IFNAR2: variants seen among roughly 807,000 people sequenced by gnomAD.
IFNAR2 encodes interferon alpha and beta receptor subunit 2, also known as interferon alpha/beta receptor 2.
In IFNAR2, 30 loss-of-function variants were observed where a neutral mutation model predicts 49.4. The observed-to-expected ratio is 0.61, with a 90% CI of 0.45 to 0.82. IFNAR2 has a LOEUF of 0.82. Ranked by LOEUF, IFNAR2 falls within the 40% of genes least tolerant of loss-of-function variation. The probability of loss-of-function intolerance (pLI) is 0.00; values close to 1 mark genes in which losing one functional copy is unlikely to be tolerated. For missense variants in IFNAR2, 600 were observed against 622.7 expected, an observed-to-expected ratio of 0.96 and a Z score of 0.39; for synonymous variants, 224 against 234.5, an observed-to-expected ratio of 0.96 and a Z score of 0.41.
intron 7 of IFNAR2, among the ~76,000 whole-genome samples, chr21:33,253,982 C>T (rs936434059): frequency 1.2e-4 from 19 of 152,194 alleles, no homozygotes; most frequent in African/African-American, 4.3e-4. Flanking sequence ...CAGTAGGTCC[C>T]AGCCCCATTT....
rs934745374 is a variant in IFNAR2, at chr21:33,265,252, C to T, written c.*1752C>T. ...AAATGCTGCAATCCTGAGAAGCTCC[C>T]AGGATGAATGAAAGGCACAGGACCT... On this transcript the variant is annotated 3_prime_UTR_variant, in exon 9 of 9. Transcript: ENST00000342136. 6.6e-6 allele frequency: 1 copy of T among 152,202 alleles called. No homozygotes were observed. The highest frequency in any genetic ancestry group is 2.4e-5 in the African/African-American group (1 of 41,430). 9.4% of individuals were successfully genotyped at this position (152,202 alleles called of 1,614,324 possible).
At position 33,241,930 on chromosome 21, in the gene IFNAR2, T is replaced by C. The variant is rs141164659; in HGVS notation, c.8T>C (p.Leu3Ser). Residue 3 changes from leucine to serine, a missense_variant, in exon 2 of 9, where the codon TTG becomes TCG. Physicochemically the swap from Leu to Ser is moderately radical, Grantham distance 145. Transcript: ENST00000342136. ...ACTCTAAAAATAGCAAAGATGCTTT[T>C]GAGCCAGAATGCCTTCATCTTCAGA... ML[L>S]SQNAFIFRSL... 3 of 1,612,638 alleles carry C rather than the reference T, an allele frequency of 1.9e-6. No individual in the cohort carries two copies. The highest frequency in any genetic ancestry group is 2.5e-6 in the Non-Finnish European group (3 of 1,179,030).
At chr21:33,238,116 C>T (rs74362421) in intron 1 of IFNAR2, among the ~76,000 whole-genome samples, 1 of 152,084 alleles carries the variant, frequency 6.6e-6, no homozygotes, top group Admixed American at 6.6e-5. Context: ...CTCGGCTGAC[C>T]GAAAAATGCA....
rs75920300 is a variant in IFNAR2, at chr21:33,234,168, C to T, written c.-84+3952C>T. On this transcript the variant is annotated intron_variant, in intron 1 of 8. Transcript: ENST00000342136. The stretch of plus-strand genomic sequence containing the variant: ...TTTATTTTAGTCTTTTCCCAAGTAA[C>T]ATTAAACAGAAACACTGTGTGTGTG... 4.1e-3 allele frequency among the ~76,000 whole-genome samples: 583 copies of T among 140,822 alleles called. 28 individuals carry two copies. In the East Asian group the frequency reaches 0.11, roughly 28 times the overall value. The allele number at this position is 140,822 out of a possible 152,430, so 92.4% of individuals were successfully genotyped here. A position where few individuals can be genotyped will look rare whatever the true frequency, so the allele number is the denominator to read the frequency against.
At chr21:33,248,683 CCTGT>C (rs1568886924) in intron 5 of IFNAR2, 22 bp from the exon 6 acceptor site, 1 of 1,582,812 alleles carries the variant, frequency 6.3e-7, no homozygotes. Flanking sequence ...GTGACATATT[CCTGT>C]CTGTTTTTGT....
chr21:33,239,118 T>C (rs1986713744), intron 1 of IFNAR2, among the ~76,000 whole-genome samples: 2 of 152,114 alleles, frequency 1.3e-5, no homozygotes. Context: ...AGATGCATAG[T>C]TTCATTGCCA....
intron 7 of IFNAR2, among the ~76,000 whole-genome samples, chr21:33,255,443 A>T (rs1988143863): frequency 6.6e-6 from 1 of 152,224 alleles, no homozygotes; most frequent in African/African-American, 2.4e-5. Flanking sequence ...TTTAGGTTTG[A>T]TAATTTGCTA....
chr21:33,244,144 A>G (rs1205108498), intron 3 of IFNAR2, among the ~76,000 whole-genome samples: 1 of 152,186 alleles, frequency 6.6e-6, no homozygotes, highest in Non-Finnish European at 1.5e-5. Flanking sequence ...TTCACTAAGT[A>G]TTAAATATGT....
At chr21:33,244,428 C>A (rs1452723180) in intron 3 of IFNAR2, among the ~76,000 whole-genome samples, 8 of 152,126 alleles carry the variant, frequency 5.3e-5, no homozygotes, top group Admixed American at 3.9e-4. Flanking sequence ...TAGAAAGGGC[C>A]AGTCTGGGCT....
intron 8 of IFNAR2, among the ~76,000 whole-genome samples, chr21:33,261,337 A>G (rs942605232): frequency 1.3e-5 from 2 of 151,896 alleles, no homozygotes; most frequent in African/African-American, 2.4e-5. Context: ...GCACTCAGCA[A>G]TGTTTTGTTT....
intron 6 of IFNAR2, 121 bp downstream of exon 6, chr21:33,248,975 A>G (rs1987646959): frequency 1.4e-6 from 1 of 700,682 alleles, no homozygotes. Context: ...AGGCTTCAGT[A>G]TGGTCCGACT....
rs892187544 is a variant in IFNAR2 at position 33,239,427 on chromosome 21, G to A, written c.-83-2413G>A. ...AATGTTGGCTTCTCTTCCCCCTCCG[G>A]CCCAGAGTGATTACAGCCATCAATG... On this transcript the variant is annotated intron_variant, in intron 1 of 8. Transcript: ENST00000342136. 2.0e-4 allele frequency among the ~76,000 whole-genome samples: 31 copies of A among 152,232 alleles called. 2 individuals carry two copies. The highest frequency in any genetic ancestry group is 1.8e-3 in the Admixed American group (28 of 15,298).
chr21:33,259,775 C>T (rs1015747652), intron 7 of IFNAR2, among the ~76,000 whole-genome samples: 1 of 152,194 alleles, frequency 6.6e-6, no homozygotes, highest in African/African-American at 2.4e-5. Context: ...AGAGTGGATT[C>T]TTGAACCCTG....
intron 2 of IFNAR2, among the ~76,000 whole-genome samples, chr21:33,243,232 A>G (rs1253418075): frequency 6.6e-6 from 1 of 151,866 alleles, no homozygotes; most frequent in African/African-American, 2.4e-5. Context: ...GCAGGTGTGC[A>G]CCACCACACC....
chr21:33,237,114 C>T (rs1986536238), intron 1 of IFNAR2, among the ~76,000 whole-genome samples: 1 of 86,286 alleles, frequency 1.2e-5, no homozygotes. Context: ...TGTGTGTTTT[C>T]TCGGCTGCTG....
chr21:33,235,830 G>A (rs1447921363), intron 1 of IFNAR2, among the ~76,000 whole-genome samples: 3 of 152,134 alleles, frequency 2.0e-5, no homozygotes, highest in Non-Finnish European at 2.9e-5. Flanking sequence ...GGAGGCTCAG[G>A]CAGGAGAATG....
At chr21:33,250,947 C>A (rs1271726298) in intron 6 of IFNAR2, among the ~76,000 whole-genome samples, 1 of 152,022 alleles carries the variant, frequency 6.6e-6, no homozygotes, top group Non-Finnish European at 1.5e-5. Context: ...GGGTTTGGGA[C>A]ATGTTAAATT....
intron 4 of IFNAR2, 57 bp from the exon 5 acceptor site, chr21:33,246,661 A>G (rs1001682666): frequency 1.2e-4 from 167 of 1,395,100 alleles, no homozygotes; most frequent in Non-Finnish European, 1.5e-4. Flanking sequence ...GCCCAAAAAT[A>G]GACTCTCATT....
chr21:33,248,546 A>G (rs922262192), intron 5 of IFNAR2, 163 bp from the exon 6 acceptor site: 17 of 187,900 alleles, frequency 9.0e-5, no homozygotes, highest in Non-Finnish European at 1.6e-4. Context: ...CAGTTAAATC[A>G]TGATACAGTC....
Sources: gnomAD v4.1 joint callset for allele counts (sites outside exome capture counted in the v4.1 genomes callset) on GRCh38, gnomAD v4.1.1 for gene constraint, MANE v1.5 for transcripts, NCBI Gene and HGNC (gene_info 2026-07-23, HGNC 2026-07-21) for gene names.